The following SMARCC1 variants were observed in gnomAD, a reference collection of about 807,000 sequenced individuals.
The protein encoded by SMARCC1 is SWI/SNF complex subunit SMARCC1.
SMARCC1 carries 43 observed loss-of-function variants against 147.4 expected under a neutral mutation model. That is an observed-to-expected ratio of 0.29 (90% confidence interval 0.23 to 0.38). The LOEUF (loss-of-function observed/expected upper bound fraction) is 0.38. Ranked by LOEUF, SMARCC1 falls within the 10% of genes least tolerant of loss-of-function variation. The probability of loss-of-function intolerance (pLI) is 1.00; values close to 1 mark genes in which losing one functional copy is unlikely to be tolerated. For missense variants in SMARCC1, 1,119 were observed against 1,381.1 expected (o/e 0.81, Z 3.01); for synonymous variants, 495 against 484.4 (o/e 1.02, Z -0.29).
intron 26 of SMARCC1, among the ~76,000 whole-genome samples, chr3:47,605,228 A>G (rs2032452316): frequency 6.6e-6 from 1 of 152,194 alleles, no homozygotes; most frequent in Non-Finnish European, 1.5e-5. Flanking sequence ...GTTCATAAAT[A>G]CTCAATTCTA....
At chr3:47,728,938 A>G (rs2106820549) in intron 6 of SMARCC1, 87 bp downstream of exon 6, 1 of 778,588 alleles carries the variant, frequency 1.3e-6, no homozygotes, top group Non-Finnish European at 2.0e-6. Flanking sequence ...AAAGCTGGTT[A>G]TTCTGTTTAA....
intron 24 of SMARCC1, among the ~76,000 whole-genome samples, chr3:47,624,079 C>A (rs2032773782): frequency 6.6e-6 from 1 of 151,970 alleles, no homozygotes; most frequent in South Asian, 2.1e-4. Context: ...CACATGAGAT[C>A]AGGAGTTCGA....
chr3:47,597,313 C>T (rs1057095902), intron 26 of SMARCC1, among the ~76,000 whole-genome samples: 3 of 152,022 alleles, frequency 2.0e-5, no homozygotes, highest in Admixed American at 1.3e-4. Flanking sequence ...TGCACCACCA[C>T]GTCAGCTAAT....
chr3:47,633,741 CAA>C (rs1162764544), intron 24 of SMARCC1, among the ~76,000 whole-genome samples: 90 of 8,608 alleles, frequency 0.01, no homozygotes, highest in African/African-American at 0.039. Flanking sequence ...GAGACTGTCT[CAA>C]AAAAAAAAAA....
intron 24 of SMARCC1, among the ~76,000 whole-genome samples, chr3:47,627,362 G>C (rs1460589429): frequency 2.0e-5 from 3 of 151,986 alleles, no homozygotes; most frequent in Non-Finnish European, 4.4e-5. Context: ...TTGTGGATAT[G>C]GCTGGGGCAT....
rs765135827 is a variant in SMARCC1, at chr3:47,675,542, T to C, written c.1772A>G (p.Glu591Gly). 6.2e-7 allele frequency: 1 copy of C among 1,613,120 alleles called. No individual in the cohort carries two copies. The highest frequency in any genetic ancestry group is 2.2e-5 in the East Asian group (1 of 44,880). Residue 591 changes from glutamate (E) to glycine (G), a missense_variant, in exon 18 of 28, where the codon GAA becomes GGA. Glu to Gly is a moderately conservative substitution (Grantham distance 98, BLOSUM62 -2). Transcript: ENST00000254480. ...AAAGTTCTGCAAATCAACTGGTTTT[T>C]CCTTGTTTTTCTCAGGAAAATTTAG... Reference protein sequence around the residue: ...QMLNFPEKNKEKPVDLQNFGL... With the variant: ...QMLNFPEKNKGKPVDLQNFGL...
rs1330576132 is a variant in SMARCC1 at position 47,610,309 on chromosome 3, G to C, written c.2800C>G (p.Gln934Glu). 6.2e-7 allele frequency: 1 copy of C among 1,614,168 alleles called. No homozygotes were observed. Among genetic ancestry groups the C allele is most frequent in the South Asian group, 1.1e-5 (1 of 91,084 alleles). ...EKEALEQQRQ[Q>E]LLTERQNFHM... ...AAGTTTTGGCGTTCAGTAAGCAACT[G>C]CTGCCTCTGTTGTTCTAGCTGTAAG... Residue 934 changes from glutamine (Q) to glutamate (E), a missense_variant, in exon 26 of 28, where the codon CAG (glutamine) becomes GAG (glutamate). By Grantham distance (29) the Gln-to-Glu change is conservative. This residue lies in a region of SMARCC1 where 42 missense variants were observed against 89.4 expected (regional missense o/e 0.47). Transcript: ENST00000254480.
intron 2 of SMARCC1, among the ~76,000 whole-genome samples, chr3:47,753,405 CTTTA>C (rs2034650581): frequency 6.6e-6 from 1 of 150,724 alleles, no homozygotes; most frequent in Non-Finnish European, 1.5e-5. Flanking sequence ...TTCTTTATTC[CTTTA>C]TTTATTCATA....
chr3:47,740,206 TTTTTTA>T (rs2034493529), intron 3 of SMARCC1, among the ~76,000 whole-genome samples: 1 of 130,520 alleles, frequency 7.7e-6, no homozygotes, highest in African/African-American at 3.0e-5. Flanking sequence ...TTTTTTTTTT[TTTTTTA>T]AAAGACAGAC....
chr3:47,593,883 G>A (rs916156036), intron 26 of SMARCC1, among the ~76,000 whole-genome samples: 1 of 152,116 alleles, frequency 6.6e-6, no homozygotes, highest in African/African-American at 2.4e-5. Flanking sequence ...AGGAATAAGG[G>A]GCTGGGCACA....
rs921276479 is a variant in SMARCC1 at position 47,590,647 on chromosome 3, T to A, written c.3220+14A>T. On this transcript the variant is annotated intron_variant, in intron 27 of 27. Coordinates refer to ENST00000254480, the MANE Select transcript of SMARCC1 (RefSeq NM_003074.4). ...GGACCCTGAGATAATGCATCCCCCC[T>A]CCATGTTACTTACACATGCCGTTAG... The A allele has an allele frequency of 1.1e-5, 16 of 1,498,958 alleles. No individual in the cohort carries two copies. The East Asian group carries it at 4.0e-4, about 38-fold the overall frequency. The allele number at this position is 1,498,958 out of a possible 1,614,324, so 92.9% of individuals were successfully genotyped here.
intron 26 of SMARCC1, among the ~76,000 whole-genome samples, chr3:47,596,592 T>TAAG (rs922857996): frequency 4.0e-5 from 6 of 150,302 alleles, no homozygotes; most frequent in South Asian, 2.1e-4. Context: ...AATAAATAAA[T>TAAG]AAGAAGAAGA....
At chr3:47,595,212 C>A (rs1007604732) in intron 26 of SMARCC1, among the ~76,000 whole-genome samples, 4 of 151,992 alleles carry the variant, frequency 2.6e-5, no homozygotes, top group Non-Finnish European at 5.9e-5. Flanking sequence ...AGTTTGTGTA[C>A]GGGTTAAAAA....
In SMARCC1 at chr3:47,664,084, A is replaced by G. The variant is rs2033388010; in HGVS notation, c.1900-1492T>C. 8.4e-6 allele frequency: 4 copies of G among 476,196 alleles called. No individual in the cohort carries two copies. The East Asian group carries it at 1.3e-4, about 16-fold the overall frequency. 29.5% of individuals were successfully genotyped at this position (476,196 alleles called of 1,614,324 possible). On this transcript the variant is annotated intron_variant, in intron 19 of 27. Transcript: ENST00000254480. ...GTGACCCTTTGCGTAACTGTAACTG[A>G]AAGTTTTTTCAAAAATCCTAGTTTC...
chr3:47,591,407 A>AT (rs1362568906), intron 26 of SMARCC1, among the ~76,000 whole-genome samples: 3 of 134,066 alleles, frequency 2.2e-5, no homozygotes, highest in African/African-American at 5.3e-5. Context: ...TGTATGGTTC[A>AT]TTTAAAAAAA....
intron 14 of SMARCC1, among the ~76,000 whole-genome samples, chr3:47,682,763 T>C (rs778065111): frequency 5.9e-5 from 9 of 152,250 alleles, no homozygotes; most frequent in Non-Finnish European, 1.2e-4. Flanking sequence ...TATTAATAAT[T>C]GTTTATGATA....
chr3:47,675,361 A>G, intron 18 of SMARCC1, 114 bp downstream of exon 18: 1 of 555,082 alleles, frequency 1.8e-6, no homozygotes, highest in Non-Finnish European at 3.3e-6. Context: ...AAGGTAAGAT[A>G]AATCATAATT....
At chr3:47,660,374 A>G (rs1250771490) in intron 21 of SMARCC1, among the ~76,000 whole-genome samples, 2 of 142,072 alleles carry the variant, frequency 1.4e-5, no homozygotes, top group Non-Finnish European at 3.0e-5. Context: ...TGAACCAGGG[A>G]GGCAGAGCTT....
At chr3:47,670,384 A>G in intron 19 of SMARCC1, 1 of 400,006 alleles carries the variant, frequency 2.5e-6, no homozygotes. Context: ...CAGGAGTTTG[A>G]GACCAGCCTG....
Sources: allele counts gnomAD v4.1 joint callset (sites outside exome capture counted in the v4.1 genomes callset), GRCh38; gene constraint gnomAD v4.1.1; regional missense constraint gnomAD v4.1.1; transcripts MANE v1.5; gene names NCBI Gene and HGNC (gene_info 2026-07-23, HGNC 2026-07-21).